The following LRBA variants were observed in gnomAD, a reference collection of about 807,000 sequenced individuals.
LRBA encodes the protein LPS responsive beige-like anchor protein.
Under a neutral mutation model 330.0 loss-of-function variants are expected in LRBA, and 176 were observed. The ratio of observed to expected loss-of-function variants is 0.53; its 90% CI spans 0.47 to 0.60. The LOEUF (loss-of-function observed/expected upper bound fraction) is 0.60, where lower values mean the gene tolerates loss of function less well. LRBA is among the 20% of genes least tolerant of loss of function. LRBA has a pLI of 0.00. For missense variants in LRBA, 3,259 were observed against 3,444.8 expected, an observed-to-expected ratio of 0.95 and a Z score of 1.35; for synonymous variants, 1,230 against 1,193.0, an observed-to-expected ratio of 1.03 and a Z score of -0.64.
chr4:150,915,642 T>C lies in LRBA; in HGVS notation c.980A>G (p.Tyr327Cys), dbSNP rs1732498584. 2.5e-6 allele frequency: 4 copies of C among 1,613,026 alleles called. No individual in the cohort carries two copies. Among genetic ancestry groups the C allele is most frequent in the Middle Eastern group, 1.7e-4 (1 of 6,054 alleles). Residue 327 changes from tyrosine to cysteine, a missense_variant, in exon 8 of 57, where the codon TAT (tyrosine) becomes TGT (cysteine). Physicochemically the swap from Tyr to Cys is radical, Grantham distance 194. Coordinates refer to ENST00000651943, the MANE Select transcript of LRBA (RefSeq NM_001364905.1). ...GTTGACAAACCATGTTATCTCTCCA[T>C]AGGAAGCCAGCTCACCATTCACATA... ...RCYVNGELAS[Y>C]GEITWFVNTS...
intron 40 of LRBA, chr4:150,579,943 C>G: frequency 3.0e-6 from 1 of 329,380 alleles, no homozygotes; most frequent in Non-Finnish European, 6.0e-6. Flanking sequence ...CGCCCAGTAA[C>G]TGCCCCCGGA....
chr4:150,559,156 C>G (rs1464104349), intron 40 of LRBA, among the ~76,000 whole-genome samples: 1 of 152,132 alleles, frequency 6.6e-6, no homozygotes, highest in Non-Finnish European at 1.5e-5. Flanking sequence ...AAGGAGAGAA[C>G]TACATTCTTC....
chr4:150,549,866 G>T (rs1406269820), intron 40 of LRBA, among the ~76,000 whole-genome samples: 2 of 152,196 alleles, frequency 1.3e-5, no homozygotes, highest in African/African-American at 4.8e-5. Flanking sequence ...ATTCCTGAAA[G>T]TATTAGGAAT....
At chr4:150,714,342 A>T (rs1462177663) in intron 36 of LRBA, among the ~76,000 whole-genome samples, 6 of 152,190 alleles carry the variant, frequency 3.9e-5, no homozygotes, top group Non-Finnish European at 5.9e-5. Flanking sequence ...ATGTTTTAAC[A>T]GTATTTGATT....
At chr4:150,579,223 T>C in intron 40 of LRBA, 1 of 456,660 alleles carries the variant, frequency 2.2e-6, no homozygotes. Context: ...CTAACATACA[T>C]AAAAGCAGAG....
intron 31 of LRBA, among the ~76,000 whole-genome samples, chr4:150,813,752 G>A (rs756033664): frequency 6.6e-6 from 1 of 151,956 alleles, no homozygotes; most frequent in Non-Finnish European, 1.5e-5. Context: ...GATATCATGT[G>A]AATATATAAC....
intron 36 of LRBA, among the ~76,000 whole-genome samples, chr4:150,702,229 C>T (rs2127000339): frequency 6.6e-6 from 1 of 152,094 alleles, no homozygotes; most frequent in African/African-American, 2.4e-5. Context: ...ATGGGGAGTT[C>T]AATTCAGTAA....
chr4:150,319,733 A>G (rs72953818), intron 50 of LRBA, among the ~76,000 whole-genome samples: 3,357 of 152,220 alleles, frequency 0.022, 103 homozygotes, highest in African/African-American at 0.071. Context: ...GAAAATGGCT[A>G]TATTTAATCA....
chr4:151,001,243 A>C (rs1017852019), intron 2 of LRBA, among the ~76,000 whole-genome samples: 6 of 152,146 alleles, frequency 3.9e-5, no homozygotes, highest in Non-Finnish European at 7.4e-5. Flanking sequence ...CAAGCGGGGC[A>C]TGTGTCCCCG....
chr4:150,558,613 C>T (rs1337294142), intron 40 of LRBA, among the ~76,000 whole-genome samples: 2 of 152,060 alleles, frequency 1.3e-5, no homozygotes, highest in African/African-American at 2.4e-5. Context: ...TCTGGGGAGT[C>T]CTGGGTTCCT....
At chr4:150,847,423 A>G (rs1668201815) in intron 26 of LRBA, among the ~76,000 whole-genome samples, 1 of 152,218 alleles carries the variant, frequency 6.6e-6, no homozygotes, top group South Asian at 2.1e-4. Context: ...ATTTAAACTA[A>G]TACTATTAAA....
intron 30 of LRBA, among the ~76,000 whole-genome samples, chr4:150,820,418 T>C (rs1015728548): frequency 1.3e-5 from 2 of 151,938 alleles, no homozygotes; most frequent in Non-Finnish European, 2.9e-5. Flanking sequence ...ATATTAACAT[T>C]TAAACATAAT....
At chr4:150,770,964 A>G (rs1736482572) in intron 34 of LRBA, among the ~76,000 whole-genome samples, 1 of 152,180 alleles carries the variant, frequency 6.6e-6, no homozygotes. Context: ...ATTTCCCCAC[A>G]GTAGTCAGGA....
chr4:150,514,080 G>A (rs1581548433), intron 40 of LRBA, among the ~76,000 whole-genome samples: 1 of 152,080 alleles, frequency 6.6e-6, no homozygotes. Flanking sequence ...GTTTTGTTTT[G>A]TTTGTTTTTG....
chr4:150,524,711 G>T (rs941906821), intron 40 of LRBA, among the ~76,000 whole-genome samples: 1 of 152,170 alleles, frequency 6.6e-6, no homozygotes, highest in Non-Finnish European at 1.5e-5. Context: ...GCTACAGGTA[G>T]ATTGTCCCTT....
chr4:150,763,103 C>A (rs575398282), intron 34 of LRBA, among the ~76,000 whole-genome samples: 3 of 151,996 alleles, frequency 2.0e-5, no homozygotes, highest in East Asian at 1.9e-4. Context: ...TATAACTATG[C>A]TAACAGAACA....
rs191426854 is a variant in LRBA at position 150,506,725 on chromosome 4, C to T, written c.6331-15690G>A. On this transcript the variant is annotated intron_variant, in intron 40 of 56. Transcript: ENST00000651943. ...TCAACATAGTGTTGGAAGTTCTGGC[C>T]AGGGCAATCCGTCAGGAGAAAGAAA... Among the ~76,000 whole-genome samples, 640 of 152,224 alleles carry T rather than the reference C, an allele frequency of 4.2e-3. 3 individuals are homozygous for T. The highest frequency in any genetic ancestry group is 0.015 in the African/African-American group (606 of 41,518).
At chr4:150,378,609 C>T (rs372857472) in intron 47 of LRBA, among the ~76,000 whole-genome samples, 228 of 152,186 alleles carry the variant, frequency 1.5e-3, no homozygotes, top group African/African-American at 4.5e-3. Context: ...GCATCAGAGA[C>T]GGAATCACAT....
intron 28 of LRBA, among the ~76,000 whole-genome samples, chr4:150,833,599 C>T (rs78430086): frequency 0.09 from 13,762 of 152,108 alleles, 1,100 homozygotes; most frequent in African/African-American, 0.23. Context: ...CTAAAAAAAA[C>T]GCACATAATT....
Sources: gnomAD v4.1 joint callset for allele counts (sites outside exome capture counted in the v4.1 genomes callset) on GRCh38, gnomAD v4.1.1 for gene constraint, MANE v1.5 for transcripts, NCBI Gene and HGNC (gene_info 2026-07-23, HGNC 2026-07-21) for gene names.